Variants in WDFY3 observed in about 807,000 individuals in gnomAD.
WDFY3 encodes the protein WD repeat and FYVE domain containing 3.
Under a neutral mutation model 409.6 loss-of-function variants are expected in WDFY3, and 66 were observed. The observed-to-expected ratio is 0.16, with a 90% confidence interval of 0.13 to 0.20. WDFY3 has a LOEUF of 0.20. Ranked by LOEUF, WDFY3 falls within the 10% of genes least tolerant of loss-of-function variation. The pLI is 1.00. For missense variants in WDFY3, 3,031 were observed against 4,298.1 expected, an observed-to-expected ratio of 0.71 and a Z score of 8.24; for synonymous variants, 1,521 against 1,537.1, an observed-to-expected ratio of 0.99 and a Z score of 0.25.
chr4:84,784,891 T>TATATATACACAC (rs1238884117), intron 24 of WDFY3, among the ~76,000 whole-genome samples: 12 of 36,926 alleles, frequency 3.2e-4, no homozygotes, highest in African/African-American at 9.2e-4. Context: ...TATATATATA[T>TATATATACACAC]ACACACACAC....
intron 17 of WDFY3, 130 bp from the exon 18 acceptor site, chr4:84,798,238 AAAC>A (rs1749850836): frequency 1.4e-6 from 1 of 707,678 alleles, no homozygotes; most frequent in South Asian, 2.1e-5. Context: ...AAGTATAATA[AAAC>A]AATATAGTGT....
At position 84,835,156 on chromosome 4, in the gene WDFY3, C is replaced by T. The variant is rs116422633; in HGVS notation, c.576+1773G>A. Among the ~76,000 whole-genome samples the T allele has an allele frequency of 2.6e-5, 4 of 152,230 alleles. No individual in the cohort carries two copies. In the South Asian group the frequency reaches 8.3e-4, roughly 32 times the overall value. On this transcript the variant is annotated intron_variant, in intron 7 of 67. Transcript: ENST00000295888. ...ACTCCCACATGATCGAAAGTCAGCA[C>T]CTGGTTTTCAAATAGAAATAATTTT...
At chr4:84,783,502 T>C (rs1308935131) in intron 24 of WDFY3, among the ~76,000 whole-genome samples, 1 of 152,160 alleles carries the variant, frequency 6.6e-6, no homozygotes, top group East Asian at 1.9e-4. Flanking sequence ...ACTTCCAAAG[T>C]GTGGAAACTC....
rs1749076965 is a variant in WDFY3, at chr4:84,794,727, G to A, written c.3279C>T (p.Phe1093=). Reference sequence around the variant, plus strand: ...AACTTAAGCCGGAGGGAGGAGGGAAGAATCTTTCACCTACAGTAAAAATTA... The same window carrying A: ...AACTTAAGCCGGAGGGAGGAGGGAAAAATCTTTCACCTACAGTAAAAATTA... ...VVSGIGSGER[F]FPPPSGLSYS... is the part of the protein sequence containing the mutation. The change falls in exon 21 of 68, where the codon TTC becomes TTT. Residue 1093 remains phenylalanine, a synonymous_variant. Coordinates refer to ENST00000295888, the MANE Select transcript of WDFY3 (RefSeq NM_014991.6). The A allele has an allele frequency of 1.2e-6, 2 of 1,609,030 alleles. No individual in the cohort carries two copies. Among genetic ancestry groups the A allele is most frequent in the Non-Finnish European group, 1.7e-6 (2 of 1,177,594 alleles).
chr4:84,678,914 G>A lies in WDFY3; in HGVS notation c.10147+5C>T. ...GTGAGAAATAGATACCAGACTTCAAGTTACCAGGTTTCAATCTGCTGTAAT... is the reference window on the plus strand; with the variant it reads ...GTGAGAAATAGATACCAGACTTCAAATTACCAGGTTTCAATCTGCTGTAAT... On this transcript the variant is annotated splice_donor_5th_base_variant and intron_variant, in intron 65 of 67. Transcript: ENST00000295888. 1 of 1,607,822 alleles carries A rather than the reference G, an allele frequency of 6.2e-7. No homozygotes were observed. The highest frequency in any genetic ancestry group is 8.5e-7 in the Non-Finnish European group (1 of 1,176,404).
chr4:84,696,457 T>G (rs1730162579), intron 57 of WDFY3, among the ~76,000 whole-genome samples: 1 of 152,206 alleles, frequency 6.6e-6, no homozygotes, highest in South Asian at 2.1e-4. Context: ...ATTTTATTAC[T>G]ATTCTTAATC....
At chr4:84,686,722 G>A (rs958176160) in intron 62 of WDFY3, among the ~76,000 whole-genome samples, 5 of 152,072 alleles carry the variant, frequency 3.3e-5, no homozygotes, top group African/African-American at 4.8e-5. Flanking sequence ...GGTTCCTGTC[G>A]ACTCCCAAGA....
At chr4:84,716,514 C>T (rs574740777) in intron 49 of WDFY3, among the ~76,000 whole-genome samples, 97 of 142,296 alleles carry the variant, frequency 6.8e-4, no homozygotes, top group African/African-American at 2.3e-3. Context: ...AATACATTTT[C>T]GGCCGGGCGC....
At chr4:84,746,709 G>A (rs1011349912) in intron 36 of WDFY3, among the ~76,000 whole-genome samples, 4 of 151,956 alleles carry the variant, frequency 2.6e-5, no homozygotes, top group Admixed American at 1.3e-4. Flanking sequence ...TTATTGTCTC[G>A]GAGGTGTTCT....
At chr4:84,959,661 T>C (rs770914275) in intron 1 of WDFY3, among the ~76,000 whole-genome samples, 1 of 152,040 alleles carries the variant, frequency 6.6e-6, no homozygotes, top group Non-Finnish European at 1.5e-5. Flanking sequence ...GAGAAGAAAA[T>C]ACATTTTGGA....
At chr4:84,842,775 C>T (rs1461932927) in intron 5 of WDFY3, among the ~76,000 whole-genome samples, 1 of 152,046 alleles carries the variant, frequency 6.6e-6, no homozygotes, top group Non-Finnish European at 1.5e-5. Flanking sequence ...AGCGAGACTC[C>T]GTCTCAAAAA....
chr4:84,817,371 A>G, intron 13 of WDFY3, 21 bp downstream of exon 13: 2 of 1,612,350 alleles, frequency 1.2e-6, no homozygotes, highest in Non-Finnish European at 1.7e-6. Flanking sequence ...AAAAGAAGGG[A>G]AACACATTTA....
intron 2 of WDFY3, among the ~76,000 whole-genome samples, chr4:84,926,268 A>G (rs560986055): frequency 1.3e-5 from 2 of 151,114 alleles, no homozygotes; most frequent in Non-Finnish European, 3.0e-5. Context: ...TCTATTTAAT[A>G]AATCAAAAGT....
chr4:84,863,594 G>C (rs772123074), intron 3 of WDFY3, among the ~76,000 whole-genome samples: 2 of 152,182 alleles, frequency 1.3e-5, no homozygotes, highest in Admixed American at 6.5e-5. Context: ...TGAGTTGCAT[G>C]AGTCCCTTAT....
chr4:84,794,379 T>C (rs1274012918), intron 21 of WDFY3, 140 bp downstream of exon 21: 4 of 870,046 alleles, frequency 4.6e-6, no homozygotes, highest in Non-Finnish European at 6.8e-6. Flanking sequence ...GTAAGCAATA[T>C]TCAATGTTTT....
In WDFY3 at chr4:84,690,986, G is replaced by A. The variant is rs1729168205; in HGVS notation, c.9205-322C>T. Among the ~76,000 whole-genome samples, 3 of 152,198 alleles carry A rather than the reference G, an allele frequency of 2.0e-5. No homozygotes were observed. The South Asian group carries it at 6.2e-4, about 32-fold the overall frequency. On this transcript the variant is annotated intron_variant, in intron 60 of 67. Transcript: ENST00000295888. ...GGTGCAGGGGACAATGTGGCAAAAG[G>A]ATGCATTTGCTGTAGACAGAATGTG...
chr4:84,889,870 G>A (rs1176436108), intron 3 of WDFY3, among the ~76,000 whole-genome samples: 1 of 151,670 alleles, frequency 6.6e-6, no homozygotes, highest in Non-Finnish European at 1.5e-5. Context: ...TTGGAATTAA[G>A]AAAAAAAATT....
At chr4:84,896,683 A>T (rs1457407455) in intron 3 of WDFY3, among the ~76,000 whole-genome samples, 1 of 152,236 alleles carries the variant, frequency 6.6e-6, no homozygotes, top group Admixed American at 6.5e-5. Flanking sequence ...AGGTGTACAT[A>T]TAACATATAT....
At chr4:84,730,783 T>TA (rs35801928) in intron 44 of WDFY3, among the ~76,000 whole-genome samples, 18 of 149,456 alleles carry the variant, frequency 1.2e-4, no homozygotes, top group South Asian at 2.1e-4. Flanking sequence ...CTGATGAGTT[T>TA]AAAAAAAAAA....
Sources: allele counts gnomAD v4.1 joint callset (sites outside exome capture counted in the v4.1 genomes callset), GRCh38; gene constraint gnomAD v4.1.1; transcripts MANE v1.5; gene names NCBI Gene and HGNC (gene_info 2026-07-23, HGNC 2026-07-21).